ZNF678: variants seen among roughly 807,000 people sequenced by gnomAD.
The protein encoded by ZNF678 is hypothetical protein MGC42493.
ZNF678 carries 5 observed loss-of-function variants against 3.0 expected under a neutral mutation model. The observed-to-expected ratio is 1.69, with a 90% CI of 0.88 to 3.56. ZNF678 has a LOEUF of 3.56. Among genes scored for constraint, ZNF678 ranks in the 30% most tolerant of loss-of-function variants. The probability of loss-of-function intolerance (pLI) is 0.00; values close to 1 mark genes in which losing one functional copy is unlikely to be tolerated. For missense variants in ZNF678, 593 were observed against 605.0 expected, an observed-to-expected ratio of 0.98 and a Z score of 0.21; for synonymous variants, 218 against 199.6, an observed-to-expected ratio of 1.09 and a Z score of -0.78.
At chr1:227,612,371 C>T (rs1321055771) in intron 1 of ZNF678, among the ~76,000 whole-genome samples, 1 of 152,196 alleles carries the variant, frequency 6.6e-6, no homozygotes, top group African/African-American at 2.4e-5. Flanking sequence ...TTCACCAATT[C>T]TGGGGCCATC....
At chr1:227,589,241 C>G (rs12140848) in intron 1 of ZNF678, among the ~76,000 whole-genome samples, 32,549 of 151,574 alleles carry the variant, frequency 0.21, 4,381 homozygotes, top group African/African-American at 0.34. Context: ...ATGGTACTAC[C>G]TAGATTTTCT....
At chr1:227,616,837 A>G (rs1040936677) in intron 1 of ZNF678, among the ~76,000 whole-genome samples, 1 of 152,178 alleles carries the variant, frequency 6.6e-6, no homozygotes, top group South Asian at 2.1e-4. Flanking sequence ...GGGTACCCCC[A>G]TGAGGCCATA....
At chr1:227,625,511 T>C (rs1658388441) in intron 1 of ZNF678, among the ~76,000 whole-genome samples, 1 of 152,090 alleles carries the variant, frequency 6.6e-6, no homozygotes, top group South Asian at 2.1e-4. Flanking sequence ...CTATTTGTAG[T>C]TTTACAGCTT....
rs80029486 is a variant in ZNF678, at chr1:227,674,214, T to A, written c.227-2965T>A. 8.5e-5 allele frequency among the ~76,000 whole-genome samples: 13 copies of A among 152,358 alleles called. No homozygotes were observed. The East Asian group carries it at 2.5e-3, about 29-fold the overall frequency. On this transcript the variant is annotated intron_variant, in intron 5 of 5. Coordinates refer to the ZNF678 transcript ENST00000608949. ...TAAGCCTTTAGATTATAGGTTAGTT[T>A]ATTTTGTTCCAAATGGTAATTGATA... is the stretch of plus-strand genomic sequence containing the variant.
At chr1:227,570,031 GTT>G (rs1378401951) in intron 1 of ZNF678, among the ~76,000 whole-genome samples, 1 of 152,198 alleles carries the variant, frequency 6.6e-6, no homozygotes, top group East Asian at 1.9e-4. Flanking sequence ...TCTGGAGTGG[GTT>G]TTACCTTTAG....
intron 1 of ZNF678, among the ~76,000 whole-genome samples, chr1:227,632,621 C>T (rs2102782242): frequency 1.3e-5 from 2 of 152,220 alleles, no homozygotes; most frequent in South Asian, 4.2e-4. Flanking sequence ...AGTTAGAAAG[C>T]CTTTTCCCAG....
intron 1 of ZNF678, among the ~76,000 whole-genome samples, chr1:227,644,044 T>C (rs1009473776): frequency 7.2e-5 from 11 of 151,960 alleles, no homozygotes; most frequent in African/African-American, 2.7e-4. Flanking sequence ...TTTGTATTTT[T>C]AGTAGAGGCG....
At chr1:227,585,878 G>A (rs2102732843) in intron 1 of ZNF678, among the ~76,000 whole-genome samples, 1 of 152,188 alleles carries the variant, frequency 6.6e-6, no homozygotes, top group Non-Finnish European at 1.5e-5. Context: ...GACCACTTAA[G>A]ACAAAGAATA....
At chr1:227,675,546 A>C (rs1031947881) in intron 5 of ZNF678, among the ~76,000 whole-genome samples, 2 of 152,234 alleles carry the variant, frequency 1.3e-5, no homozygotes, top group African/African-American at 4.8e-5. Context: ...GTGTTTATTC[A>C]AACTAGAGGG....
At chr1:227,618,435 G>A (rs1477786651) in intron 1 of ZNF678, among the ~76,000 whole-genome samples, 1 of 152,170 alleles carries the variant, frequency 6.6e-6, no homozygotes, top group African/African-American at 2.4e-5. Context: ...ATGAGTGTTG[G>A]GAATCAAGCT....
chr1:227,609,084 A>G (rs938811472), intron 1 of ZNF678, among the ~76,000 whole-genome samples: 8 of 152,224 alleles, frequency 5.3e-5, no homozygotes, highest in Non-Finnish European at 1.2e-4. Flanking sequence ...TTAAATGTAT[A>G]TAAAGGAAAA....
Position 227,659,791 on chromosome 1 carries a change from T to C in ZNF678, c.*3963T>C, listed in dbSNP as rs766699418. 1 of 152,066 alleles carries C rather than the reference T, an allele frequency of 6.6e-6. No individual in the cohort carries two copies. The highest frequency in any genetic ancestry group is 1.5e-5 in the Non-Finnish European group (1 of 67,998). The allele number at this position is 152,066 out of a possible 1,614,324, so 9.4% of individuals were successfully genotyped here. On this transcript the variant is annotated 3_prime_UTR_variant, in exon 4 of 4. Transcript: ENST00000343776. The stretch of plus-strand genomic sequence containing the variant: ...TATATATATATCTTGTAACACATGA[T>C]GTTTGAAATGCTTAATTCTAGCCAA...
chr1:227,565,919 G>A (rs1226666514), intron 1 of ZNF678, among the ~76,000 whole-genome samples: 1 of 152,152 alleles, frequency 6.6e-6, no homozygotes, highest in Non-Finnish European at 1.5e-5. Flanking sequence ...ACCATGCCCG[G>A]CTAGCTAATT....
downstream of ZNF678, among the ~76,000 whole-genome samples, chr1:227,663,557 G>C (rs1659452517): frequency 6.6e-6 from 1 of 152,178 alleles, no homozygotes; most frequent in Non-Finnish European, 1.5e-5. Context: ...AAATACTCGT[G>C]TGTAAGGTAT....
chr1:227,665,559 AAG>A (rs148165658), downstream of ZNF678, among the ~76,000 whole-genome samples: 613 of 152,136 alleles, frequency 4.0e-3, 5 homozygotes, highest in African/African-American at 0.014. Flanking sequence ...TTACCTGGCA[AAG>A]AGAGAGCTTT....
intron 1 of ZNF678, among the ~76,000 whole-genome samples, chr1:227,580,825 G>A (rs1657111423): frequency 2.0e-5 from 3 of 151,978 alleles, no homozygotes; most frequent in Non-Finnish European, 4.4e-5. Context: ...AGCTACTTGG[G>A]AGGCTGAGGC....
At chr1:227,581,731 A>G (rs892861553) in intron 1 of ZNF678, among the ~76,000 whole-genome samples, 2 of 152,170 alleles carry the variant, frequency 1.3e-5, no homozygotes, top group African/African-American at 2.4e-5. Flanking sequence ...TTTTTAGTGC[A>G]TGTCTTTGTT....
At chr1:227,676,408 G>A (rs1659680253) in intron 5 of ZNF678, among the ~76,000 whole-genome samples, 1 of 152,162 alleles carries the variant, frequency 6.6e-6, no homozygotes, top group South Asian at 2.1e-4. Flanking sequence ...GGAAACAGGA[G>A]AAACCACAAT....
chr1:227,617,772 G>A (rs1490287712), intron 1 of ZNF678, among the ~76,000 whole-genome samples: 3 of 152,158 alleles, frequency 2.0e-5, no homozygotes, highest in Non-Finnish European at 4.4e-5. Flanking sequence ...ATAAATAGAT[G>A]TCTTTAAAAT....
Sources: gnomAD v4.1 joint callset for allele counts (sites outside exome capture counted in the v4.1 genomes callset) on GRCh38, gnomAD v4.1.1 for gene constraint, MANE v1.5 for transcripts, NCBI Gene and HGNC (gene_info 2026-07-23, HGNC 2026-07-21) for gene names.